Variants in PCDHGB7 observed in about 807,000 individuals in gnomAD.
PCDHGB7 encodes the protein protocadherin gamma-B7.
Under a neutral mutation model 61.4 loss-of-function variants are expected in PCDHGB7, and 37 were observed. That is an observed-to-expected ratio of 0.60 (90% confidence interval 0.46 to 0.79). PCDHGB7 has a LOEUF of 0.79. PCDHGB7 is among the 30% of genes least tolerant of loss of function. The pLI is 0.00. For synonymous variants in PCDHGB7, 464 were observed against 503.5 expected, an observed-to-expected ratio of 0.92 and a Z score of 1.05; for missense variants, 1,166 against 1,202.5, an observed-to-expected ratio of 0.97 and a Z score of 0.45.
At position 141,485,562 on chromosome 5, in the gene PCDHGB7, C is replaced by T. The variant is rs779890454; in HGVS notation, c.2416-9245C>T. 2.5e-6 allele frequency: 4 copies of T among 1,612,910 alleles called. No homozygotes were observed. Among genetic ancestry groups the T allele is most frequent in the Admixed American group, 1.7e-5 (1 of 59,996 alleles). On this transcript the variant is annotated intron_variant, in intron 1 of 3. Transcript: ENST00000398594. The surrounding 1 kb of genome is among the most constrained non-coding windows in gnomAD (Gnocchi z 5.7). ...GAGATCGTAGATGTGAATGATCACG[C>T]CCCCCGTTTTCCGCGGCAGCAGCTG... is the stretch of plus-strand genomic sequence containing the variant.
Position 141,490,318 on chromosome 5 carries a change from C to T in PCDHGB7, c.2416-4489C>T. ...ATTGGCCTCTTTGGCCAACCCTGTCCTAGAGAGCACACCAGTGGGCACAGT... is the reference window on the plus strand; with the variant it reads ...ATTGGCCTCTTTGGCCAACCCTGTCTTAGAGAGCACACCAGTGGGCACAGT... On this transcript the variant is annotated intron_variant, in intron 1 of 3. Transcript: ENST00000398594. The surrounding 1 kb of genome is among the most constrained non-coding windows in gnomAD (Gnocchi z 5.4). 1 of 1,614,220 alleles carries T rather than the reference C, an allele frequency of 6.2e-7. No homozygotes were observed.
At chr5:141,494,654 G>A in intron 1 of PCDHGB7, 153 bp from the exon 2 acceptor site, 1 of 966,640 alleles carries the variant, frequency 1.0e-6, no homozygotes, top group South Asian at 4.8e-5. Context: ...GGTGTATTTT[G>A]TCTTTGGAGA....
Position 141,491,586 on chromosome 5 carries a change from G to T in PCDHGB7, c.2416-3221G>T, listed in dbSNP as rs373990387. ...ACAGGACGTGCTTTTCACCGGCCTC[G>T]GACGGCAGTGACTTCACTTTTCTAA... On this transcript the variant is annotated intron_variant, in intron 1 of 3. Transcript: ENST00000398594. This position sits in a 1 kb window ranked among gnomAD's most constrained non-coding sequence, Gnocchi z 6.9. 2.1e-5 allele frequency: 34 copies of T among 1,613,792 alleles called. No individual in the cohort carries two copies. In the African/African-American group the frequency reaches 2.4e-4, roughly 11 times the overall value.
chr5:141,431,502 G>A lies in PCDHGB7; in HGVS notation c.2415+11228G>A, dbSNP rs749812839. ...CCAGCGTTTGCTCAGCCCGAGTACC[G>A]CGCGAGCGTTCCGGAGAATCTGGCC... On this transcript the variant is annotated intron_variant, in intron 1 of 3. Coordinates refer to ENST00000398594, the MANE Select transcript of PCDHGB7 (RefSeq NM_018927.4). This position sits in a 1 kb window ranked among gnomAD's most constrained non-coding sequence, Gnocchi z 4.8. 6 of 1,614,008 alleles carry A rather than the reference G, an allele frequency of 3.7e-6. No homozygotes were observed. In the East Asian group the frequency reaches 6.7e-5, roughly 18 times the overall value.
intron 1 of PCDHGB7, chr5:141,433,074 A>C: frequency 6.2e-7 from 1 of 1,614,218 alleles, no homozygotes; most frequent in East Asian, 2.2e-5. Flanking sequence ...ATCTTCCCCC[A>C]GCCCAACTAT....
Position 141,477,920 on chromosome 5 carries a change from C to A in PCDHGB7, c.2416-16887C>A, listed in dbSNP as rs755219711. ...GGTAGGCTGGGACGCGGATGCAGGGCACAATGCCTGGCTCTCCTACAGTCT... is the reference window on the plus strand; with the variant it reads ...GGTAGGCTGGGACGCGGATGCAGGGAACAATGCCTGGCTCTCCTACAGTCT... On this transcript the variant is annotated intron_variant, in intron 1 of 3. Transcript: ENST00000398594. The surrounding 1 kb of genome is among the most constrained non-coding windows in gnomAD (Gnocchi z 4.9). The A allele has an allele frequency of 6.2e-7, 1 of 1,614,180 alleles. No individual in the cohort carries two copies. The highest frequency in any genetic ancestry group is 8.5e-7 in the Non-Finnish European group (1 of 1,180,038).
intron 1 of PCDHGB7, among the ~76,000 whole-genome samples, chr5:141,455,204 T>G (rs1173402170): frequency 6.6e-6 from 1 of 152,052 alleles, no homozygotes; most frequent in Admixed American, 6.6e-5. Context: ...TTACAACCAA[T>G]AAGAGTTTTT....
chr5:141,444,463 G>A (rs570185430), intron 1 of PCDHGB7, among the ~76,000 whole-genome samples: 10 of 152,026 alleles, frequency 6.6e-5, no homozygotes, highest in Admixed American at 1.3e-4. Context: ...GAGTCACTGC[G>A]CCCGGTCGCG....
intron 1 of PCDHGB7, among the ~76,000 whole-genome samples, chr5:141,425,105 G>C (rs1227234896): frequency 2.0e-5 from 3 of 152,236 alleles, no homozygotes; most frequent in African/African-American, 7.2e-5. Flanking sequence ...TCCAACAGAT[G>C]CCTACATTTT....
chr5:141,458,409 G>A (rs188300064), intron 1 of PCDHGB7, among the ~76,000 whole-genome samples: 2 of 152,126 alleles, frequency 1.3e-5, no homozygotes, highest in East Asian at 1.9e-4. Context: ...GAGACGGAGC[G>A]GGGGTTCCAA....
chr5:141,430,915 G>T, intron 1 of PCDHGB7: 1 of 1,607,738 alleles, frequency 6.2e-7, no homozygotes, highest in East Asian at 2.2e-5. Flanking sequence ...CCAGGGACCT[G>T]GGGCTGGAGC....
At chr5:141,439,190 C>CA (rs200519543) in intron 1 of PCDHGB7, among the ~76,000 whole-genome samples, 17,650 of 111,626 alleles carry the variant, frequency 0.16, 1,295 homozygotes, top group African/African-American at 0.25. Context: ...GAGACTCTGA[C>CA]AAAAAAAAAA....
Position 141,477,858 on chromosome 5 carries a change from C to T in PCDHGB7, c.2416-16949C>T. 2 of 1,613,572 alleles carry T rather than the reference C, an allele frequency of 1.2e-6. No individual in the cohort carries two copies. Among genetic ancestry groups the T allele is most frequent in the Non-Finnish European group, 1.7e-6 (2 of 1,179,842 alleles). ...GGTGGGAGCTCGGTGGAGATGCTGC[C>T]TCGAGGTACCTCAGCTGGCCACCTA... On this transcript the variant is annotated intron_variant, in intron 1 of 3. Transcript: ENST00000398594. This position sits in a 1 kb window ranked among gnomAD's most constrained non-coding sequence, Gnocchi z 4.9.
At chr5:141,500,619 G>A (rs1230172485) in intron 2 of PCDHGB7, among the ~76,000 whole-genome samples, 1 of 152,072 alleles carries the variant, frequency 6.6e-6, no homozygotes, top group East Asian at 1.9e-4. Context: ...CCAGTCATAC[G>A]GTACATTTCC....
chr5:141,466,674 T>C (rs2099127051), intron 1 of PCDHGB7, among the ~76,000 whole-genome samples: 1 of 152,222 alleles, frequency 6.6e-6, no homozygotes, highest in South Asian at 2.1e-4. Flanking sequence ...TTCACCGTTC[T>C]TCCACTCAAG....
chr5:141,490,906 G>A lies in PCDHGB7; in HGVS notation c.2416-3901G>A, dbSNP rs2099705910. 1 of 1,613,798 alleles carries A rather than the reference G, an allele frequency of 6.2e-7. No individual in the cohort carries two copies. Among genetic ancestry groups the A allele is most frequent in the Non-Finnish European group, 8.5e-7 (1 of 1,179,808 alleles). ...CACATCTCTGCATGTGTTTGTCCTA[G>A]ACGAGAATGATAATGCCCCAGCTGT... On this transcript the variant is annotated intron_variant, in intron 1 of 3. Coordinates refer to ENST00000398594, the MANE Select transcript of PCDHGB7 (RefSeq NM_018927.4). The surrounding 1 kb of genome is among the most constrained non-coding windows in gnomAD (Gnocchi z 5.4).
At chr5:141,427,400 A>T in intron 1 of PCDHGB7, 1 of 461,200 alleles carries the variant, frequency 2.2e-6, no homozygotes, top group Non-Finnish European at 4.3e-6. Context: ...CACATGATAA[A>T]GATTCGAGAG....
At position 141,431,007 on chromosome 5, in the gene PCDHGB7, G is replaced by C. The variant is rs149559471; in HGVS notation, c.2415+10733G>C. On this transcript the variant is annotated intron_variant, in intron 1 of 3. Transcript: ENST00000398594. This position sits in a 1 kb window ranked among gnomAD's most constrained non-coding sequence, Gnocchi z 4.8. Reference sequence around the variant, plus strand: ...TTCGCCCTGAATCCGCGCAGCGGCAGCTTGGTCACGGCGGGCAGGATAGAC... The same window carrying C: ...TTCGCCCTGAATCCGCGCAGCGGCACCTTGGTCACGGCGGGCAGGATAGAC... 10 of 1,614,050 alleles carry C rather than the reference G, an allele frequency of 6.2e-6. No homozygotes were observed. The highest frequency in any genetic ancestry group is 8.5e-6 in the Non-Finnish European group (10 of 1,180,018).
At chr5:141,434,431 T>C (rs931458644) in intron 1 of PCDHGB7, among the ~76,000 whole-genome samples, 2 of 152,186 alleles carry the variant, frequency 1.3e-5, no homozygotes, top group African/African-American at 2.4e-5. Context: ...ATGATGGCCG[T>C]AATGCCCATG....
Sources: allele counts gnomAD v4.1 joint callset (sites outside exome capture counted in the v4.1 genomes callset), GRCh38; gene constraint gnomAD v4.1.1; non-coding constraint Gnocchi (gnomAD v3.1); transcripts MANE v1.5; gene names NCBI Gene and HGNC (gene_info 2026-07-23, HGNC 2026-07-21).